FCHO2: variants seen among roughly 807,000 people sequenced by gnomAD.
FCHO2 encodes the protein F-BAR domain only protein 2.
A neutral mutation model predicts 114.1 loss-of-function variants in FCHO2; 43 were observed. The ratio of observed to expected loss-of-function variants is 0.38; its 90% CI spans 0.30 to 0.49. FCHO2 has a LOEUF of 0.49. FCHO2 is among the 20% of genes least tolerant of loss of function. The pLI is 0.97. For synonymous variants in FCHO2, 293 were observed against 315.2 expected (o/e 0.93, Z 0.75); for missense variants, 807 against 950.4 (o/e 0.85, Z 1.98).
intron 20 of FCHO2, among the ~76,000 whole-genome samples, chr5:73,076,883 A>G (rs1742930513): frequency 6.6e-6 from 1 of 152,136 alleles, no homozygotes; most frequent in African/African-American, 2.4e-5. Flanking sequence ...CTATGTAGTT[A>G]TATGTTTCAA....
intron 8 of FCHO2, among the ~76,000 whole-genome samples, chr5:73,017,815 C>T (rs1344293064): frequency 1.3e-5 from 2 of 151,798 alleles, no homozygotes; most frequent in African/African-American, 2.4e-5. Flanking sequence ...TATACCAGAC[C>T]CCATTCTAGA....
intron 1 of FCHO2, among the ~76,000 whole-genome samples, chr5:72,957,091 A>C (rs767476995): frequency 1.3e-5 from 2 of 152,176 alleles, no homozygotes; most frequent in African/African-American, 4.8e-5. Context: ...TCTTAATTCT[A>C]AGTGCCTCAA....
At chr5:72,966,536 C>T (rs1370047720) in intron 1 of FCHO2, among the ~76,000 whole-genome samples, 1 of 152,148 alleles carries the variant, frequency 6.6e-6, no homozygotes, top group Non-Finnish European at 1.5e-5. Flanking sequence ...ATGTTATATT[C>T]TTCTTAATAA....
chr5:72,972,652 G>A (rs1752623300), intron 2 of FCHO2, among the ~76,000 whole-genome samples: 1 of 152,170 alleles, frequency 6.6e-6, no homozygotes, highest in Admixed American at 6.6e-5. Flanking sequence ...TGCAAACAAG[G>A]ACAATTTGAC....
chr5:73,074,674 TCTAA>T, intron 19 of FCHO2, 64 bp from the exon 20 acceptor site: 1 of 1,401,158 alleles, frequency 7.1e-7, no homozygotes, highest in Non-Finnish European at 9.9e-7. Context: ...ACAATGTGAA[TCTAA>T]CTATCTTGAT....
chr5:73,022,266 A>G (rs1490982028), intron 8 of FCHO2, among the ~76,000 whole-genome samples: 1 of 152,240 alleles, frequency 6.6e-6, no homozygotes, highest in African/African-American at 2.4e-5. Flanking sequence ...AAAAGAAAGA[A>G]TACAGAGAAT....
chr5:73,063,583 G>A (rs1434205385), intron 17 of FCHO2, among the ~76,000 whole-genome samples: 1 of 151,914 alleles, frequency 6.6e-6, no homozygotes, highest in African/African-American at 2.4e-5. Context: ...TATATGTATA[G>A]ATAATGAAAC....
chr5:73,067,768 TTTTG>T (rs565293776), intron 18 of FCHO2, among the ~76,000 whole-genome samples: 170 of 152,030 alleles, frequency 1.1e-3, no homozygotes, highest in African/African-American at 4.0e-3. Flanking sequence ...AGGAAAAGGT[TTTTG>T]TTTTTTTTTA....
chr5:73,025,507 T>C (rs1755868503), intron 8 of FCHO2, among the ~76,000 whole-genome samples: 1 of 151,750 alleles, frequency 6.6e-6, no homozygotes, highest in Non-Finnish European at 1.5e-5. Context: ...TCCTCCCTAA[T>C]AGCTGGGATT....
At chr5:72,995,415 C>T (rs1331191370) in intron 5 of FCHO2, among the ~76,000 whole-genome samples, 1 of 152,066 alleles carries the variant, frequency 6.6e-6, no homozygotes, top group Non-Finnish European at 1.5e-5. Flanking sequence ...GCCACCTCGC[C>T]TGGCTAATTT....
In FCHO2 at chr5:73,081,852, A is replaced by G; in HGVS notation, c.2050A>G (p.Thr684Ala). ...ATACTGGAAATGTAGTGCTAGCACC[A>G]CAGATCTTAGAGTGGATTATAAATA... ...ATYWKCSAST[T>A]DLRVDYKYNP... is the part of the protein sequence containing the mutation. Residue 684 changes from threonine to alanine, a missense_variant, in exon 23 of 26, where the codon ACA becomes GCA. By Grantham distance (58) the Thr-to-Ala change is moderately conservative. Transcript: ENST00000430046. The G allele has an allele frequency of 1.9e-6, 3 of 1,612,420 alleles. No homozygotes were observed. The highest frequency in any genetic ancestry group is 2.5e-6 in the Non-Finnish European group (3 of 1,179,012).
rs1743188784 is a variant in FCHO2 at position 73,083,416 on chromosome 5, C to A, written c.2245+591C>A. 4.6e-5 allele frequency among the ~76,000 whole-genome samples: 7 copies of A among 152,282 alleles called. No homozygotes were observed. In the South Asian group the frequency reaches 1.4e-3, roughly 32 times the overall value. On this transcript the variant is annotated intron_variant, in intron 24 of 25. Transcript: ENST00000430046. ...TAACTTTATAAATATTATGTAAATACTTCTTATATTTACATGCTAACATTA... is the reference window on the plus strand; with the variant it reads ...TAACTTTATAAATATTATGTAAATAATTCTTATATTTACATGCTAACATTA...
chr5:72,963,926 T>G (rs937451319), intron 1 of FCHO2, among the ~76,000 whole-genome samples: 35 of 145,942 alleles, frequency 2.4e-4, no homozygotes, highest in South Asian at 8.8e-4. Context: ...TTTTTTTTTT[T>G]TTTGTTTATG....
chr5:73,046,680 G>C (rs567131654), intron 11 of FCHO2, among the ~76,000 whole-genome samples: 34 of 152,282 alleles, frequency 2.2e-4, no homozygotes, highest in Non-Finnish European at 4.6e-4. Flanking sequence ...TATTTTTAAA[G>C]TATTTTAAAG....
chr5:73,040,962 G>T (rs141643203), intron 10 of FCHO2, among the ~76,000 whole-genome samples: 1 of 152,048 alleles, frequency 6.6e-6, no homozygotes, highest in Non-Finnish European at 1.5e-5. Flanking sequence ...CTTTCTTGAT[G>T]TGTGAGTATA....
At chr5:73,074,685 T>G in intron 19 of FCHO2, 57 bp from the exon 20 acceptor site, 130 of 1,470,226 alleles carry the variant, frequency 8.8e-5, no homozygotes, top group Non-Finnish European at 1.0e-4. Flanking sequence ...CTAACTATCT[T>G]GATATTTAAT....
At position 72,990,722 on chromosome 5, in the gene FCHO2, A is replaced by T. The variant is rs1279564007; in HGVS notation, c.353A>T (p.Glu118Val). Reference protein sequence around the residue: ...QVKSHKKTKEEVAGTLEAVQT... With the variant: ...QVKSHKKTKEVVAGTLEAVQT... ...TTTCATACTAAACAGACTAAAGAAGAAGTTGCAGGAACTCTGGAAGCTGTC... is the reference window on the plus strand; with the variant it reads ...TTTCATACTAAACAGACTAAAGAAGTAGTTGCAGGAACTCTGGAAGCTGTC... The change falls in exon 5 of 26, where the codon GAA becomes GTA. Residue 118 changes from glutamate (E) to valine (V), a missense_variant. By Grantham distance (121) the Glu-to-Val change is moderately radical. Transcript: ENST00000430046. 4 of 1,555,022 alleles carry T rather than the reference A, an allele frequency of 2.6e-6. No individual in the cohort carries two copies. The highest frequency in any genetic ancestry group is 1.4e-5 in the African/African-American group (1 of 73,014).
chr5:73,080,795 A>G (rs1743067281), intron 22 of FCHO2, among the ~76,000 whole-genome samples: 1 of 152,156 alleles, frequency 6.6e-6, no homozygotes. Flanking sequence ...TGGGAGTAGG[A>G]CAGGGAGACA....
At chr5:72,986,885 C>T (rs537373478) in intron 2 of FCHO2, among the ~76,000 whole-genome samples, 231 of 136,106 alleles carry the variant, frequency 1.7e-3, no homozygotes, top group African/African-American at 4.7e-3. Flanking sequence ...TTTTTTTTTT[C>T]TTTTTTTTTT....
Sources: allele counts gnomAD v4.1 joint callset (sites outside exome capture counted in the v4.1 genomes callset), GRCh38; gene constraint gnomAD v4.1.1; transcripts MANE v1.5; gene names NCBI Gene and HGNC (gene_info 2026-07-23, HGNC 2026-07-21).